Variants in EPS15 observed in about 807,000 individuals in gnomAD.
EPS15 encodes the protein epidermal growth factor receptor substrate 15.
EPS15 carries 72 observed loss-of-function variants against 113.8 expected under a neutral mutation model. The observed-to-expected ratio is 0.63, with a 90% CI of 0.52 to 0.77. EPS15 has a LOEUF of 0.77. EPS15 is among the 30% of genes least tolerant of loss of function. The pLI, the probability that EPS15 is intolerant of heterozygous loss-of-function variation, is 0.00. For missense variants in EPS15, 1,048 were observed against 1,045.8 expected, an observed-to-expected ratio of 1.00 and a Z score of -0.03; for synonymous variants, 344 against 363.4, an observed-to-expected ratio of 0.95 and a Z score of 0.61.
At position 51,356,391 on chromosome 1, in the gene EPS15, G is replaced by A. The variant is rs922160145; in HGVS notation, c.*309C>T. ...CTATTTCTCTATATTCCAGAAGGCA[G>A]AAGCTTGGGTGCTCTAGCTTTACAA... On this transcript the variant is annotated 3_prime_UTR_variant, in exon 25 of 25. Transcript: ENST00000371733. The A allele has an allele frequency of 3.3e-6, 1 of 300,614 alleles. No homozygotes were observed. The highest frequency in any genetic ancestry group is 6.2e-6 in the Non-Finnish European group (1 of 162,332). 18.6% of individuals were successfully genotyped at this position (300,614 alleles called of 1,614,324 possible).
chr1:51,398,577 C>G lies in EPS15; in HGVS notation c.2052+455G>C, dbSNP rs142469931. 1.6e-4 allele frequency among the ~76,000 whole-genome samples: 24 copies of G among 152,292 alleles called. No individual in the cohort carries two copies. The East Asian group carries it at 3.9e-3, about 24-fold the overall frequency. On this transcript the variant is annotated intron_variant, in intron 20 of 24. Coordinates refer to ENST00000371733, the MANE Select transcript of EPS15 (RefSeq NM_001981.3). The stretch of plus-strand genomic sequence containing the variant: ...TGATTGCTGTAGGTATGTACATTCT[C>G]AAGAGAGCTTGACATTTAGTGAGAA...
chr1:51,481,520 C>T (rs564197723), intron 1 of EPS15, among the ~76,000 whole-genome samples: 1 of 152,180 alleles, frequency 6.6e-6, no homozygotes, highest in African/African-American at 2.4e-5. Context: ...ATCAGGTAGA[C>T]AAGAAATGAA....
At chr1:51,372,219 T>C (rs1646673709) in intron 21 of EPS15, 1 of 454,376 alleles carries the variant, frequency 2.2e-6, no homozygotes, top group South Asian at 1.6e-5. Context: ...CTGCTGGAGT[T>C]TGTGGGTTGC....
In EPS15 at chr1:51,468,012, G is replaced by T. The variant is rs562730097; in HGVS notation, c.309+461C>A. 1.1e-4 allele frequency among the ~76,000 whole-genome samples: 17 copies of T among 152,200 alleles called. No individual in the cohort carries two copies. In the South Asian group the frequency reaches 2.3e-3, roughly 20 times the overall value. Reference sequence around the variant, plus strand: ...CTTAAACCATCAACCAAGCTGGAGAGCAACGGTGTGATCACGGCTCATTGC... The same window carrying T: ...CTTAAACCATCAACCAAGCTGGAGATCAACGGTGTGATCACGGCTCATTGC... On this transcript the variant is annotated intron_variant, in intron 5 of 24. Coordinates refer to ENST00000371733, the MANE Select transcript of EPS15 (RefSeq NM_001981.3).
chr1:51,394,223 G>A (rs1647676043), intron 21 of EPS15, 158 bp downstream of exon 21: 1 of 496,130 alleles, frequency 2.0e-6, no homozygotes, highest in African/African-American at 2.0e-5. Context: ...AGTAGAAAGT[G>A]ATATACAAAT....
At position 51,409,709 on chromosome 1, in the gene EPS15, A is replaced by C. The variant is rs1425030555; in HGVS notation, c.1114-13T>G. 6.4e-7 allele frequency: 1 copy of C among 1,570,256 alleles called. No individual in the cohort carries two copies. The highest frequency in any genetic ancestry group is 2.2e-5 in the East Asian group (1 of 44,706). Reference sequence around the variant, plus strand: ...CATCTTGAAGATCCTAAAATCCAAGAAAATTAATATATTTATTTTCTTTGC... The same window carrying C: ...CATCTTGAAGATCCTAAAATCCAAGCAAATTAATATATTTATTTTCTTTGC... On this transcript the variant is annotated splice_polypyrimidine_tract_variant and intron_variant, in intron 13 of 24. Coordinates refer to ENST00000371733, the MANE Select transcript of EPS15 (RefSeq NM_001981.3).
intron 21 of EPS15, among the ~76,000 whole-genome samples, chr1:51,381,862 C>T (rs980879132): frequency 6.6e-6 from 1 of 151,828 alleles, no homozygotes; most frequent in Non-Finnish European, 1.5e-5. Context: ...AAAAGAAGAG[C>T]TCAAATCAAC....
chr1:51,477,239 A>G (rs145493605), intron 2 of EPS15, among the ~76,000 whole-genome samples: 8,781 of 152,136 alleles, frequency 0.058, 336 homozygotes, highest in Non-Finnish European at 0.086. Context: ...GTTTATTTGC[A>G]TAGAGGTGTT....
At position 51,400,971 on chromosome 1, in the gene EPS15, C is replaced by G. The variant is rs1241710457; in HGVS notation, c.1883-18G>C. Reference sequence around the variant, plus strand: ...AGGATCACCTGTGATAAAATAAACACAAAGAAATCCAAATAACAATATTTA... The same window carrying G: ...AGGATCACCTGTGATAAAATAAACAGAAAGAAATCCAAATAACAATATTTA... On this transcript the variant is annotated intron_variant, in intron 18 of 24. Coordinates refer to ENST00000371733, the MANE Select transcript of EPS15 (RefSeq NM_001981.3). The G allele has an allele frequency of 1.3e-6, 2 of 1,540,798 alleles. No homozygotes were observed. The highest frequency in any genetic ancestry group is 2.8e-5 in the African/African-American group (2 of 71,938).
At position 51,409,645 on chromosome 1, in the gene EPS15, CCTGTAG is replaced by C; in HGVS notation, c.1159_1164del (p.Leu387_Gln388del). The stretch of plus-strand genomic sequence containing the variant: ...AGTTCCTGTACCTGCTGTTTCTGGG[CCTGTAG>C]TTTTTGCAGATTAGTATTCTCCCTT... On this transcript the variant is annotated inframe_deletion, in exon 14 of 25. Transcript: ENST00000371733. 1 of 1,613,310 alleles carries C rather than the reference CCTGTAG, an allele frequency of 6.2e-7. No homozygotes were observed. Among genetic ancestry groups the C allele is most frequent in the East Asian group, 2.2e-5 (1 of 44,872 alleles).
chr1:51,479,263 CT>C (rs1281836172), intron 2 of EPS15, among the ~76,000 whole-genome samples: 61 of 152,308 alleles, frequency 4.0e-4, no homozygotes, highest in African/African-American at 1.4e-3. Context: ...GAAGCTTGTG[CT>C]TGCGTCACGT....
intron 5 of EPS15, among the ~76,000 whole-genome samples, chr1:51,465,910 G>A (rs560891613): frequency 1.1e-4 from 16 of 150,922 alleles, no homozygotes; most frequent in Non-Finnish European, 1.5e-4. Context: ...TAGTTACTGG[G>A]GAGGATCACT....
chr1:51,400,399 A>C (rs1648399189), intron 19 of EPS15, among the ~76,000 whole-genome samples: 1 of 152,154 alleles, frequency 6.6e-6, no homozygotes, highest in South Asian at 2.1e-4. Context: ...CATTTTTAAA[A>C]AAGTAAAGCT....
rs1341472539 is a variant in EPS15, at chr1:51,451,071, G to A, written c.562-2936C>T. On this transcript the variant is annotated intron_variant, in intron 8 of 24. Transcript: ENST00000371733. ...AAAAGAATCATGGAGCTCTCATAGTGAAAAGGTATCCAAGATAAACTGTTA... is the reference window on the plus strand; with the variant it reads ...AAAAGAATCATGGAGCTCTCATAGTAAAAAGGTATCCAAGATAAACTGTTA... 2.0e-5 allele frequency among the ~76,000 whole-genome samples: 3 copies of A among 151,888 alleles called. 1 individual carries two copies. Among genetic ancestry groups the A allele is most frequent in the African/African-American group, 7.3e-5 (3 of 41,170 alleles).
intron 13 of EPS15, among the ~76,000 whole-genome samples, chr1:51,418,627 G>A (rs1650468823): frequency 6.6e-6 from 1 of 152,092 alleles, no homozygotes; most frequent in African/African-American, 2.4e-5. Context: ...CCTATGTGAA[G>A]AAAGAGAAGA....
intron 5 of EPS15, 55 bp from the exon 6 acceptor site, chr1:51,465,381 T>A (rs141458588): frequency 6.2e-6 from 8 of 1,288,796 alleles, no homozygotes; most frequent in Admixed American, 4.1e-5. Flanking sequence ...CAAGAAGCAA[T>A]GAAGAAAAAA....
intron 1 of EPS15, among the ~76,000 whole-genome samples, chr1:51,485,809 T>C (rs1309632609): frequency 6.6e-6 from 1 of 152,078 alleles, no homozygotes; most frequent in Non-Finnish European, 1.5e-5. Flanking sequence ...TCGAGGGTCT[T>C]TTTTTTGAGA....
chr1:51,453,626 G>A (rs1281883424), intron 8 of EPS15, among the ~76,000 whole-genome samples: 1 of 152,052 alleles, frequency 6.6e-6, no homozygotes, highest in Non-Finnish European at 1.5e-5. Flanking sequence ...CATTTAGAAT[G>A]TCTTTTTATT....
Position 51,365,955 on chromosome 1 carries a change from T to G in EPS15, c.2194A>C (p.Lys732Gln). 2 of 1,604,712 alleles carry G rather than the reference T, an allele frequency of 1.2e-6. No homozygotes were observed. The highest frequency in any genetic ancestry group is 1.7e-6 in the Non-Finnish European group (2 of 1,173,108). ...TCCCATTAATTACTGTAGATTACCTTTGACAATGTGCTGAAGTCAGCAAAT... is the reference window on the plus strand; with the variant it reads ...TCCCATTAATTACTGTAGATTACCTGTGACAATGTGCTGAAGTCAGCAAAT... ...GGFADFSTLS[K>Q]VNNEDPFRSA... is the part of the protein sequence containing the mutation. The change falls in exon 22 of 25, where the codon AAG becomes CAG. Residue 732 changes from lysine to glutamine, a missense_variant and splice_region_variant. Coordinates refer to ENST00000371733, the MANE Select transcript of EPS15 (RefSeq NM_001981.3).
Sources: allele counts gnomAD v4.1 joint callset (sites outside exome capture counted in the v4.1 genomes callset), GRCh38; gene constraint gnomAD v4.1.1; transcripts MANE v1.5; gene names NCBI Gene and HGNC (gene_info 2026-07-23, HGNC 2026-07-21).